DAW1: variants seen among roughly 807,000 people sequenced by gnomAD.
DAW1 encodes dynein assembly factor with WD repeats 1.
Under a neutral mutation model 56.5 loss-of-function variants are expected in DAW1, and 47 were observed. The ratio of observed to expected loss-of-function variants is 0.83; its 90% CI spans 0.66 to 1.06. The LOEUF (loss-of-function observed/expected upper bound fraction) is 1.06, where lower values mean the gene tolerates loss of function less well. DAW1 is among the 50% of genes least tolerant of loss of function. The pLI, the probability that DAW1 is intolerant of heterozygous loss-of-function variation, is 0.00. For synonymous variants in DAW1, 190 were observed against 179.0 expected, an observed-to-expected ratio of 1.06 and a Z score of -0.49; for missense variants, 505 against 499.3, an observed-to-expected ratio of 1.01 and a Z score of -0.11.
intron 9 of DAW1, 90 bp from the exon 10 acceptor site, chr2:227,907,048 A>G (rs1331301851): frequency 1.3e-6 from 1 of 797,688 alleles, no homozygotes; most frequent in African/African-American, 1.8e-5. Context: ...AACCAGCCAT[A>G]AGCATGTCAT....
intron 10 of DAW1, among the ~76,000 whole-genome samples, chr2:227,908,541 A>T (rs943511454): frequency 2.6e-5 from 4 of 152,196 alleles, no homozygotes; most frequent in Admixed American, 1.3e-4. Flanking sequence ...ATTATGTGTC[A>T]TCTCTTTGAC....
intron 3 of DAW1, among the ~76,000 whole-genome samples, chr2:227,890,269 TTTAAG>T (rs1370375679): frequency 2.0e-5 from 3 of 151,044 alleles, no homozygotes; most frequent in Non-Finnish European, 4.4e-5. Flanking sequence ...TTAAGATAGT[TTTAAG>T]TTATGGAATA....
chr2:227,921,329 T>TGA, intron 11 of DAW1, 70 bp from the exon 12 acceptor site: 2 of 602,346 alleles, frequency 3.3e-6, no homozygotes, highest in Non-Finnish European at 4.6e-6. Flanking sequence ...TTTTTTTTTT[T>TGA]TTTTGCTGAT....
In DAW1 at chr2:227,924,254, A is replaced by G. The variant is rs549336006; in HGVS notation, c.*286A>G. ...TTTAAAAGCATTATGATACTGAAAAAGGAGACCAGAACAACTTAACAACGT... is the reference window on the plus strand; with the variant it reads ...TTTAAAAGCATTATGATACTGAAAAGGGAGACCAGAACAACTTAACAACGT... On this transcript the variant is annotated 3_prime_UTR_variant, in exon 13 of 13. Transcript: ENST00000309931. 13 of 415,630 alleles carry G rather than the reference A, an allele frequency of 3.1e-5. No homozygotes were observed. In the South Asian group the frequency reaches 4.9e-4, roughly 16 times the overall value. 25.7% of individuals were successfully genotyped at this position (415,630 alleles called of 1,614,324 possible). A position where few individuals can be genotyped will look rare whatever the true frequency, so the allele number is the denominator to read the frequency against.
intron 9 of DAW1, 64 bp from the exon 10 acceptor site, chr2:227,907,074 T>A (rs1691702359): frequency 3.3e-6 from 4 of 1,206,692 alleles, no homozygotes; most frequent in Non-Finnish European, 4.7e-6. Flanking sequence ...CCACTGGCCA[T>A]CTTCACACTT....
At chr2:227,921,307 T>A (rs1009809161) in intron 11 of DAW1, 92 bp from the exon 12 acceptor site, 1 of 27,406 alleles carries the variant, frequency 3.6e-5, no homozygotes, top group Non-Finnish European at 6.9e-5. Flanking sequence ...GTAATGTCCT[T>A]TTTTTTTTTT....
rs1574678841 is a variant in DAW1 at position 227,924,054 on chromosome 2, C to T, written c.*86C>T. On this transcript the variant is annotated 3_prime_UTR_variant, in exon 13 of 13. Coordinates refer to ENST00000309931, the MANE Select transcript of DAW1 (RefSeq NM_178821.3). ...ACAGACAGCAGCTCTCTTAATATTTCTTATACTTTCTCTTTTTCTGCAAGT... is the reference window on the plus strand; with the variant it reads ...ACAGACAGCAGCTCTCTTAATATTTTTTATACTTTCTCTTTTTCTGCAAGT... 2.7e-6 allele frequency: 4 copies of T among 1,475,568 alleles called. No homozygotes were observed. Among genetic ancestry groups the T allele is most frequent in the Non-Finnish European group, 3.7e-6 (4 of 1,068,710 alleles). 91.4% of individuals were successfully genotyped at this position (1,475,568 alleles called of 1,614,324 possible). A position where few individuals can be genotyped will look rare whatever the true frequency, so the allele number is the denominator to read the frequency against.
At chr2:227,874,181 A>C (rs1404417774) in intron 1 of DAW1, among the ~76,000 whole-genome samples, 1 of 152,150 alleles carries the variant, frequency 6.6e-6, no homozygotes, top group Non-Finnish European at 1.5e-5. Flanking sequence ...GTAGGTTAAG[A>C]ATATGAGCTC....
intron 2 of DAW1, among the ~76,000 whole-genome samples, chr2:227,889,152 C>T (rs1239679902): frequency 6.6e-6 from 1 of 152,012 alleles, no homozygotes; most frequent in Admixed American, 6.6e-5. Flanking sequence ...TCAAAAGAAA[C>T]AGGAAAGAAA....
intron 12 of DAW1, among the ~76,000 whole-genome samples, chr2:227,922,524 A>G (rs911516795): frequency 1.4e-4 from 22 of 152,192 alleles, no homozygotes; most frequent in African/African-American, 5.1e-4. Context: ...AGAAGACCAG[A>G]TCTGCCTAAG....
chr2:227,871,762 T>A (rs1254925037), intron 1 of DAW1, 33 bp downstream of exon 1: 9 of 1,612,786 alleles, frequency 5.6e-6, no homozygotes, highest in Non-Finnish European at 5.9e-6. Context: ...CATCCCCACG[T>A]GGGACCCTGG....
At chr2:227,910,326 A>T (rs79084287) in intron 10 of DAW1, among the ~76,000 whole-genome samples, 2,096 of 152,156 alleles carry the variant, frequency 0.014, 48 homozygotes, top group African/African-American at 0.048. Context: ...AACAAAAATT[A>T]GTCAGGTGTG....
chr2:227,882,452 C>T (rs1477293394), intron 1 of DAW1, among the ~76,000 whole-genome samples: 2 of 152,150 alleles, frequency 1.3e-5, no homozygotes, highest in African/African-American at 2.4e-5. Flanking sequence ...CAAAAAAATC[C>T]CAACAGAACA....
At chr2:227,886,637 C>T (rs1464563968) in intron 2 of DAW1, among the ~76,000 whole-genome samples, 5 of 152,054 alleles carry the variant, frequency 3.3e-5, no homozygotes, top group Non-Finnish European at 5.9e-5. Flanking sequence ...GAAAAGAAAT[C>T]TCATACAAAA....
At chr2:227,895,132 C>T (rs1299053209) in intron 5 of DAW1, among the ~76,000 whole-genome samples, 5 of 152,078 alleles carry the variant, frequency 3.3e-5, no homozygotes, top group Admixed American at 6.5e-5. Flanking sequence ...TTGTTCTGCA[C>T]GTATGTTTAA....
chr2:227,886,013 T>G (rs1691122331), intron 2 of DAW1, among the ~76,000 whole-genome samples: 2 of 150,888 alleles, frequency 1.3e-5, no homozygotes, highest in African/African-American at 2.4e-5. Flanking sequence ...TCACTCTTGT[T>G]GCCCAGTCTG....
At position 227,878,073 on chromosome 2, in the gene DAW1, T is replaced by C. The variant is rs533366592; in HGVS notation, c.40+6344T>C. On this transcript the variant is annotated intron_variant, in intron 1 of 12. Coordinates refer to ENST00000309931, the MANE Select transcript of DAW1 (RefSeq NM_178821.3). The stretch of plus-strand genomic sequence containing the variant: ...ATAAAGAAAGCAGACTTTTGTTAAC[T>C]TATTTGCTAAAATGTTAAAAATGCA... Among the ~76,000 whole-genome samples the C allele has an allele frequency of 2.6e-5, 4 of 152,384 alleles. No individual in the cohort carries two copies. In the East Asian group the frequency reaches 7.7e-4, roughly 29 times the overall value.
intron 6 of DAW1, among the ~76,000 whole-genome samples, chr2:227,899,612 G>A (rs1156576643): frequency 6.6e-6 from 1 of 152,226 alleles, no homozygotes; most frequent in Non-Finnish European, 1.5e-5. Flanking sequence ...TGATAACAAA[G>A]AGTGACAGGT....
At chr2:227,884,773 AC>A (rs1281285364) in intron 1 of DAW1, among the ~76,000 whole-genome samples, 1 of 152,180 alleles carries the variant, frequency 6.6e-6, no homozygotes, top group Non-Finnish European at 1.5e-5. Flanking sequence ...CCTGGATGTC[AC>A]CGTTGCCCCT....
Sources: allele counts gnomAD v4.1 joint callset (sites outside exome capture counted in the v4.1 genomes callset), GRCh38; gene constraint gnomAD v4.1.1; transcripts MANE v1.5; gene names NCBI Gene and HGNC (gene_info 2026-07-23, HGNC 2026-07-21).